The following NRG1 variants were observed in gnomAD, a reference collection of about 807,000 sequenced individuals.
NRG1 encodes neuregulin 1.
Under a neutral mutation model 63.8 loss-of-function variants are expected in NRG1, and 18 were observed. That is an observed-to-expected ratio of 0.28 (90% CI 0.19 to 0.42). NRG1 has a LOEUF of 0.42. NRG1 is among the 10% of genes least tolerant of loss of function. The probability of loss-of-function intolerance (pLI) is 1.00; values close to 1 mark genes in which losing one functional copy is unlikely to be tolerated. For synonymous variants in NRG1, 302 were observed against 301.3 expected, an observed-to-expected ratio of 1.00 and a Z score of -0.02; for missense variants, 762 against 814.7, an observed-to-expected ratio of 0.94 and a Z score of 0.79.
chr8:31,849,504 G>T (rs78791364), intron 1 of NRG1, among the ~76,000 whole-genome samples: 1 of 152,192 alleles, frequency 6.6e-6, no homozygotes, highest in East Asian at 1.9e-4. Context: ...CACCATGATG[G>T]TGCAACAGCT....
At chr8:32,536,705 G>A (rs886247241) in intron 1 of NRG1, among the ~76,000 whole-genome samples, 1 of 151,122 alleles carries the variant, frequency 6.6e-6, no homozygotes, top group Non-Finnish European at 1.5e-5. Flanking sequence ...GGTGGATCAC[G>A]AGATCAGAAG....
chr8:32,624,712 T>G (rs1298659317), intron 5 of NRG1, among the ~76,000 whole-genome samples: 2 of 152,202 alleles, frequency 1.3e-5, no homozygotes, highest in Middle Eastern at 3.2e-3. Context: ...CAGGAAATTC[T>G]GCATTTTGAA....
intron 1 of NRG1, among the ~76,000 whole-genome samples, chr8:31,670,448 G>A (rs1327379921): frequency 2.6e-5 from 4 of 152,052 alleles, no homozygotes; most frequent in Non-Finnish European, 5.9e-5. Flanking sequence ...CATAAAATAA[G>A]TATTCCATTT....
rs1820358196 is a variant in NRG1 at position 31,788,138 on chromosome 8, A to C, written c.37+148707A>C. Reference sequence around the variant, plus strand: ...GTATCTGTAAAGATATTTACTAACCAAGTTAAGTGTCCTTAGAGCATATTT... The same window carrying C: ...GTATCTGTAAAGATATTTACTAACCCAGTTAAGTGTCCTTAGAGCATATTT... On this transcript the variant is annotated intron_variant, in intron 1 of 10. Coordinates refer to the NRG1 transcript ENST00000519301. 3.3e-5 allele frequency among the ~76,000 whole-genome samples: 5 copies of C among 152,110 alleles called. No homozygotes were observed. The South Asian group carries it at 8.3e-4, about 25-fold the overall frequency.
intron 1 of NRG1, among the ~76,000 whole-genome samples, chr8:32,313,290 G>T (rs960695698): frequency 2.0e-5 from 3 of 152,124 alleles, no homozygotes; most frequent in Admixed American, 2.0e-4. Flanking sequence ...AACTTCTACT[G>T]CCCTTGCTAC....
intron 1 of NRG1, among the ~76,000 whole-genome samples, chr8:32,135,156 G>A (rs997336335): frequency 2.0e-5 from 3 of 152,148 alleles, no homozygotes; most frequent in African/African-American, 7.2e-5. Context: ...TATAAGATGA[G>A]GGTGAAGAGA....
Position 32,012,012 on chromosome 8 carries a change from CAG to C in NRG1, c.37+372583_37+372584del, listed in dbSNP as rs373842418. 1.3e-3 allele frequency among the ~76,000 whole-genome samples: 192 copies of C among 152,058 alleles called. 1 individual carries two copies. The highest frequency in any genetic ancestry group is 4.5e-3 in the African/African-American group (185 of 41,508). ...ACTGGGGAAAAATTTAATGGGCAAA[CAG>C]AAATTCATAGAAGGCTACAAAGTCT... On this transcript the variant is annotated intron_variant, in intron 1 of 10. Transcript: ENST00000519301.
At chr8:31,721,577 A>T (rs1382303207) in intron 1 of NRG1, among the ~76,000 whole-genome samples, 1 of 152,132 alleles carries the variant, frequency 6.6e-6, no homozygotes, top group African/African-American at 2.4e-5. Flanking sequence ...GACAAATTTC[A>T]CATCTTTCTT....
intron 1 of NRG1, among the ~76,000 whole-genome samples, chr8:32,350,166 A>G (rs995248015): frequency 1.3e-5 from 2 of 152,134 alleles, no homozygotes; most frequent in African/African-American, 2.4e-5. Context: ...CAAGCTTGTC[A>G]TGTGGTTGCA....
intron 1 of NRG1, among the ~76,000 whole-genome samples, chr8:32,230,930 T>C (rs1196053460): frequency 6.6e-6 from 1 of 152,148 alleles, no homozygotes; most frequent in African/African-American, 2.4e-5. Context: ...TATTGTTGAG[T>C]ATCATCACTC....
chr8:32,471,339 A>G (rs1823819067), intron 1 of NRG1, among the ~76,000 whole-genome samples: 1 of 152,180 alleles, frequency 6.6e-6, no homozygotes, highest in African/African-American at 2.4e-5. Context: ...CCATTTTCTA[A>G]TCACTTTTTC....
chr8:31,880,644 T>G (rs1419465719), intron 1 of NRG1, among the ~76,000 whole-genome samples: 5 of 152,200 alleles, frequency 3.3e-5, no homozygotes, highest in African/African-American at 9.6e-5. Flanking sequence ...CTTTGATGTT[T>G]AACGTCATCC....
intron 1 of NRG1, among the ~76,000 whole-genome samples, chr8:32,303,530 G>T (rs1000483171): frequency 5.9e-5 from 9 of 152,128 alleles, no homozygotes; most frequent in African/African-American, 2.2e-4. Context: ...ATCCCAAAAT[G>T]AAATGACACC....
chr8:31,974,212 C>T (rs868288333), intron 1 of NRG1, among the ~76,000 whole-genome samples: 9 of 152,154 alleles, frequency 5.9e-5, no homozygotes, highest in Non-Finnish European at 1.0e-4. Flanking sequence ...GTCACCCAGG[C>T]TGGTGTGCCA....
At chr8:32,517,007 G>A (rs1003683311) in intron 1 of NRG1, among the ~76,000 whole-genome samples, 1 of 152,004 alleles carries the variant, frequency 6.6e-6, no homozygotes, top group African/African-American at 2.4e-5. Context: ...TCTGGAAATA[G>A]GAAAATATTT....
chr8:32,033,091 ATTTTTTT>A (rs898802902), intron 1 of NRG1, among the ~76,000 whole-genome samples: 11 of 111,610 alleles, frequency 9.9e-5, no homozygotes, highest in African/African-American at 3.3e-4. Context: ...TGTGCAGTCT[ATTTTTTT>A]TTTTTTTTTT....
At chr8:32,188,826 A>T (rs1449669904) in intron 1 of NRG1, among the ~76,000 whole-genome samples, 2 of 151,742 alleles carry the variant, frequency 1.3e-5, no homozygotes, top group African/African-American at 2.4e-5. Flanking sequence ...TGGGGGGAGG[A>T]GGAGGGATAG....
chr8:32,566,340 C>T (rs1281833838), intron 1 of NRG1, among the ~76,000 whole-genome samples: 1 of 90,666 alleles, frequency 1.1e-5, no homozygotes, highest in Non-Finnish European at 2.5e-5. Context: ...CACAGAACAT[C>T]TCAAAAAAAA....
intron 5 of NRG1, among the ~76,000 whole-genome samples, chr8:32,693,525 A>AT (rs964705826): frequency 9.0e-5 from 12 of 134,046 alleles, no homozygotes; most frequent in African/African-American, 2.5e-4. Context: ...CAGGTCACTC[A>AT]TTTTTTAAGT....
Sources: allele counts gnomAD v4.1 joint callset (sites outside exome capture counted in the v4.1 genomes callset), GRCh38; gene constraint gnomAD v4.1.1; transcripts MANE v1.5; gene names NCBI Gene and HGNC (gene_info 2026-07-23, HGNC 2026-07-21).